Variants in ZSWIM6 observed in about 807,000 individuals in gnomAD.
ZSWIM6 encodes the protein zinc finger SWIM-type containing 6.
In ZSWIM6, 9 loss-of-function variants were observed where a neutral mutation model predicts 113.2. The observed-to-expected ratio is 0.08, with a 90% CI of 0.05 to 0.14. The LOEUF (loss-of-function observed/expected upper bound fraction) is 0.14. Among genes scored for constraint, ZSWIM6 ranks in the 10% least tolerant of loss-of-function variants. ZSWIM6 has a pLI of 1.00. For missense variants in ZSWIM6, 1,162 were observed against 1,552.2 expected, an observed-to-expected ratio of 0.75 and a Z score of 4.22; for synonymous variants, 611 against 606.5, an observed-to-expected ratio of 1.01 and a Z score of -0.11.
chr5:61,526,772 C>G (rs1472825505), intron 7 of ZSWIM6, among the ~76,000 whole-genome samples: 1 of 152,172 alleles, frequency 6.6e-6, no homozygotes, highest in Non-Finnish European at 1.5e-5. Context: ...TCCCGGCAAT[C>G]CTAACGTCCC....
At chr5:61,501,596 C>G (rs926718886) in intron 4 of ZSWIM6, among the ~76,000 whole-genome samples, 6 of 152,194 alleles carry the variant, frequency 3.9e-5, no homozygotes, top group Non-Finnish European at 5.9e-5. Flanking sequence ...TAATTTGTAA[C>G]AACACTGGAG....
intron 1 of ZSWIM6, among the ~76,000 whole-genome samples, chr5:61,424,358 C>G (rs960880077): frequency 1.1e-4 from 17 of 152,118 alleles, no homozygotes; most frequent in African/African-American, 3.9e-4. Flanking sequence ...ATTATAATTG[C>G]ACTTATTGGA....
intron 1 of ZSWIM6, among the ~76,000 whole-genome samples, chr5:61,395,774 A>G (rs1442555868): frequency 6.6e-6 from 1 of 152,220 alleles, no homozygotes; most frequent in Admixed American, 6.5e-5. Flanking sequence ...GAACTACATT[A>G]GTTATCTGAT....
chr5:61,514,716 T>TAA (rs1452845793), intron 4 of ZSWIM6, among the ~76,000 whole-genome samples: 6 of 152,192 alleles, frequency 3.9e-5, no homozygotes, highest in South Asian at 2.1e-4. Context: ...ATTCCTGTGA[T>TAA]AAACCCTATG....
At chr5:61,359,251 A>G (rs937976306) in intron 1 of ZSWIM6, among the ~76,000 whole-genome samples, 1 of 152,002 alleles carries the variant, frequency 6.6e-6, no homozygotes, top group Non-Finnish European at 1.5e-5. Context: ...TTGGGGTGCA[A>G]GATTTGAGGA....
intron 1 of ZSWIM6, among the ~76,000 whole-genome samples, chr5:61,447,862 G>A (rs1265880995): frequency 1.3e-5 from 2 of 152,184 alleles, no homozygotes; most frequent in African/African-American, 4.8e-5. Flanking sequence ...CTATCTCCCT[G>A]ATGGACTAAA....
intron 1 of ZSWIM6, chr5:61,391,487 CCTT>C (rs1161501843): frequency 3.0e-5 from 39 of 1,317,510 alleles, no homozygotes; most frequent in East Asian, 6.9e-5. Flanking sequence ...TTGGTAAAGG[CCTT>C]CTTCTTAGAT....
intron 12 of ZSWIM6, 82 bp from the exon 13 acceptor site, chr5:61,541,802 A>G (rs1196928395): frequency 2.7e-6 from 3 of 1,122,272 alleles, no homozygotes; most frequent in Non-Finnish European, 1.3e-6. Flanking sequence ...TATGCCTTAT[A>G]TGCCTTATAG....
chr5:61,359,796 T>G (rs1455677974), intron 1 of ZSWIM6, among the ~76,000 whole-genome samples: 1 of 151,966 alleles, frequency 6.6e-6, no homozygotes, highest in Non-Finnish European at 1.5e-5. Flanking sequence ...AAAACGACTG[T>G]AAGAAGTAGG....
At chr5:61,492,566 T>G (rs1748209181) in intron 3 of ZSWIM6, among the ~76,000 whole-genome samples, 1 of 152,152 alleles carries the variant, frequency 6.6e-6, no homozygotes, top group South Asian at 2.1e-4. Flanking sequence ...AATTAAATAG[T>G]AAGTATCAAT....
chr5:61,543,672 C>A lies in ZSWIM6; in HGVS notation c.3003C>A (p.Thr1001=), dbSNP rs1176092283. The change falls in exon 14 of 14, where the codon ACC becomes ACA. Residue 1001 remains threonine, a synonymous_variant. Coordinates refer to ENST00000252744, the MANE Select transcript of ZSWIM6 (RefSeq NM_020928.2). This position sits in a 1 kb window ranked among gnomAD's most constrained non-coding sequence, Gnocchi z 4.3. ...AGAACTGTGCCCTCTCTGCGCTAACCCTTTGTGAAAAGGATCACATAGCTT... is the reference window on the plus strand; with the variant it reads ...AGAACTGTGCCCTCTCTGCGCTAACACTTTGTGAAAAGGATCACATAGCTT... ...DPQNCALSAL[T]LCEKDHIAFE... 3.9e-5 allele frequency: 61 copies of A among 1,551,708 alleles called. No homozygotes were observed. The highest frequency in any genetic ancestry group is 5.3e-5 in the Non-Finnish European group (61 of 1,146,996).
intron 1 of ZSWIM6, among the ~76,000 whole-genome samples, chr5:61,428,142 GA>G: frequency 6.6e-6 from 1 of 152,242 alleles, no homozygotes; most frequent in Non-Finnish European, 1.5e-5. Flanking sequence ...GTACACAAGG[GA>G]GCTCTAATTT....
chr5:61,499,005 A>G (rs1436110711), intron 4 of ZSWIM6, among the ~76,000 whole-genome samples: 1 of 152,120 alleles, frequency 6.6e-6, no homozygotes, highest in African/African-American at 2.4e-5. Flanking sequence ...AAACTAACTC[A>G]AGCTTGCCAC....
At chr5:61,455,008 G>A (rs1212538777) in intron 1 of ZSWIM6, among the ~76,000 whole-genome samples, 1 of 150,942 alleles carries the variant, frequency 6.6e-6, no homozygotes, top group Non-Finnish European at 1.5e-5. Flanking sequence ...TCCCTTTCTT[G>A]GGGAGTAGTA....
rs77152650 is a variant in ZSWIM6 at position 61,372,012 on chromosome 5, AT to A, written c.676+39076del. ...CAGATCTTTAATGTCTACAGAAGAGATTTTTTTTTTTTGTTGATTTATTATC... is the reference window on the plus strand; with the variant it reads ...CAGATCTTTAATGTCTACAGAAGAGATTTTTTTTTTTGTTGATTTATTATC... On this transcript the variant is annotated intron_variant, in intron 1 of 13. Transcript: ENST00000252744. 3.5e-3 allele frequency among the ~76,000 whole-genome samples: 514 copies of A among 148,088 alleles called. 1 individual carries two copies. The highest frequency in any genetic ancestry group is 9.4e-3 in the South Asian group (44 of 4,674).
intron 1 of ZSWIM6, among the ~76,000 whole-genome samples, chr5:61,439,042 T>G (rs1337656191): frequency 6.6e-6 from 1 of 152,208 alleles, no homozygotes; most frequent in Admixed American, 6.5e-5. Context: ...CAGGAATATC[T>G]TGCACTTTTA....
chr5:61,373,842 A>G (rs1745316730), intron 1 of ZSWIM6, among the ~76,000 whole-genome samples: 1 of 152,168 alleles, frequency 6.6e-6, no homozygotes, highest in Non-Finnish European at 1.5e-5. Flanking sequence ...TTTTAGCATT[A>G]AAATTATAGG....
intron 1 of ZSWIM6, among the ~76,000 whole-genome samples, chr5:61,352,055 A>G (rs1181332552): frequency 6.6e-6 from 1 of 152,162 alleles, no homozygotes; most frequent in Admixed American, 6.5e-5. Flanking sequence ...AAGGCCCAGC[A>G]TGGTCTGGCC....
chr5:61,490,142 A>G (rs1467941657), intron 2 of ZSWIM6, among the ~76,000 whole-genome samples: 3 of 152,020 alleles, frequency 2.0e-5, no homozygotes, highest in Non-Finnish European at 2.9e-5. Context: ...AAGGTAGTCT[A>G]CACACATAGG....
Sources: allele counts gnomAD v4.1 joint callset (sites outside exome capture counted in the v4.1 genomes callset), GRCh38; gene constraint gnomAD v4.1.1; non-coding constraint Gnocchi (gnomAD v3.1); transcripts MANE v1.5; gene names NCBI Gene and HGNC (gene_info 2026-07-23, HGNC 2026-07-21).